RBFOX1: variants seen among roughly 807,000 people sequenced by gnomAD.
RBFOX1 encodes the protein RNA binding fox-1 homolog 1.
A neutral mutation model predicts 57.7 loss-of-function variants in RBFOX1; 8 were observed. That is an observed-to-expected ratio of 0.14 (90% confidence interval 0.08 to 0.25). The LOEUF is 0.25. Among genes scored for constraint, RBFOX1 ranks in the 10% least tolerant of loss-of-function variants. The pLI is 1.00. For synonymous variants in RBFOX1, 326 were observed against 222.4 expected (o/e 1.47, Z -4.15); for missense variants, 611 against 548.5 (o/e 1.11, Z -1.14).
At chr16:7,120,828 T>C (rs868757754) in intron 4 of RBFOX1, among the ~76,000 whole-genome samples, 260 of 32,568 alleles carry the variant, frequency 8.0e-3, no homozygotes, top group African/African-American at 0.021. Flanking sequence ...TATATGTATA[T>C]ATACACACAC....
intron 3 of RBFOX1, among the ~76,000 whole-genome samples, chr16:5,794,316 C>G (rs968299561): frequency 1.7e-5 from 2 of 119,342 alleles, no homozygotes; most frequent in East Asian, 5.1e-4. Flanking sequence ...TCACCTTCAC[C>G]TCCTTTTTTT....
intron 3 of RBFOX1, among the ~76,000 whole-genome samples, chr16:5,692,203 G>GTGTGTGTGTGTT (rs2050708634): frequency 7.4e-6 from 1 of 135,410 alleles, no homozygotes; most frequent in Non-Finnish European, 1.6e-5. Context: ...GTGTGTGTGT[G>GTGTGTGTGTGTT]TGTGTGTGTG....
At chr16:6,978,386 G>A (rs1598954488) in intron 3 of RBFOX1, among the ~76,000 whole-genome samples, 1 of 152,296 alleles carries the variant, frequency 6.6e-6, no homozygotes, top group African/African-American at 2.4e-5. Context: ...CAGACGTCAT[G>A]AGGACAATGA....
intron 4 of RBFOX1, among the ~76,000 whole-genome samples, chr16:7,208,243 T>C (rs916928102): frequency 6.6e-6 from 1 of 152,194 alleles, no homozygotes; most frequent in African/African-American, 2.4e-5. Flanking sequence ...CACCAATTCA[T>C]ATGTTGAAAT....
intron 3 of RBFOX1, among the ~76,000 whole-genome samples, chr16:6,940,640 C>G (rs2078215214): frequency 6.6e-6 from 1 of 152,096 alleles, no homozygotes; most frequent in Non-Finnish European, 1.5e-5. Flanking sequence ...CTCTGTCACC[C>G]AGGCTGGAGT....
intron 4 of RBFOX1, among the ~76,000 whole-genome samples, chr16:7,070,582 C>G (rs915466562): frequency 3.3e-5 from 5 of 152,162 alleles, no homozygotes; most frequent in Admixed American, 6.5e-5. Flanking sequence ...TTCAAGATAG[C>G]TGAGTTTACG....
intron 1 of RBFOX1, among the ~76,000 whole-genome samples, chr16:6,146,357 G>C (rs916163477): frequency 5.9e-5 from 9 of 152,190 alleles, no homozygotes; most frequent in African/African-American, 1.9e-4. Context: ...AGTAAGTCCA[G>C]ATTAGCCTCC....
At chr16:7,217,169 A>G (rs975203562) in intron 4 of RBFOX1, among the ~76,000 whole-genome samples, 1 of 150,482 alleles carries the variant, frequency 6.6e-6, no homozygotes, top group Non-Finnish European at 1.5e-5. Context: ...CAGTGGCACA[A>G]TCTCAGCTCA....
chr16:7,602,798 C>T (rs182267622), intron 9 of RBFOX1, among the ~76,000 whole-genome samples: 1 of 152,296 alleles, frequency 6.6e-6, no homozygotes. Flanking sequence ...TACTCATCAA[C>T]ACACGGAACA....
At chr16:6,990,801 C>G (rs924059644) in intron 3 of RBFOX1, among the ~76,000 whole-genome samples, 13 of 152,052 alleles carry the variant, frequency 8.5e-5, no homozygotes, top group Non-Finnish European at 1.6e-4. Flanking sequence ...TTGTTAAGGT[C>G]CAGGAAGCTG....
chr16:7,279,666 T>C (rs1242337119), intron 4 of RBFOX1, among the ~76,000 whole-genome samples: 1 of 152,180 alleles, frequency 6.6e-6, no homozygotes, highest in Non-Finnish European at 1.5e-5. Context: ...TCAGGCTATC[T>C]ATGGTCACAT....
At position 6,663,271 on chromosome 16, in the gene RBFOX1, G is replaced by A. The variant is rs184573637; in HGVS notation, c.-16+8621G>A. On this transcript the variant is annotated intron_variant, in intron 3 of 15. Transcript: ENST00000550418. Reference sequence around the variant, plus strand: ...CTCCACCCAGGAACTTGTCACAGACGGCTCAGCTTAAGTATTTGTATATAG... The same window carrying A: ...CTCCACCCAGGAACTTGTCACAGACAGCTCAGCTTAAGTATTTGTATATAG... 1.5e-4 allele frequency among the ~76,000 whole-genome samples: 23 copies of A among 152,228 alleles called. No homozygotes were observed. In the East Asian group the frequency reaches 2.3e-3, roughly 15 times the overall value.
chr16:7,697,556 C>T (rs1014224760), intron 14 of RBFOX1, among the ~76,000 whole-genome samples: 2 of 152,078 alleles, frequency 1.3e-5, no homozygotes, highest in Non-Finnish European at 2.9e-5. Context: ...GTATGATAAA[C>T]TATATATGCA....
chr16:7,367,031 C>G (rs569160475), intron 4 of RBFOX1, among the ~76,000 whole-genome samples: 6 of 151,596 alleles, frequency 4.0e-5, no homozygotes, highest in South Asian at 4.2e-4. Context: ...GGTTTTCTGG[C>G]TTGATTCCCT....
chr16:5,373,921 A>G (rs926172792), intron 1 of RBFOX1, among the ~76,000 whole-genome samples: 2 of 148,114 alleles, frequency 1.4e-5, no homozygotes, highest in African/African-American at 2.5e-5. Flanking sequence ...TTTTCTTTAT[A>G]TGTTACCCAG....
chr16:6,811,336 G>T (rs1458489352), intron 3 of RBFOX1, among the ~76,000 whole-genome samples: 3 of 152,190 alleles, frequency 2.0e-5, no homozygotes, highest in African/African-American at 7.2e-5. Context: ...TACTGGATAA[G>T]ATTTAAAAAT....
chr16:7,048,409 G>T (rs1157297478), intron 3 of RBFOX1, among the ~76,000 whole-genome samples: 1 of 151,922 alleles, frequency 6.6e-6, no homozygotes, highest in African/African-American at 2.4e-5. Context: ...ACAGTCGCGT[G>T]TCGCCACACC....
intron 4 of RBFOX1, among the ~76,000 whole-genome samples, chr16:5,910,305 G>A (rs971462404): frequency 3.9e-5 from 6 of 152,062 alleles, no homozygotes; most frequent in African/African-American, 4.8e-5. Flanking sequence ...AGAGGGGCAC[G>A]TTCTCCCGTT....
chr16:6,949,159 A>AC (rs1000699968), intron 3 of RBFOX1, among the ~76,000 whole-genome samples: 1 of 151,940 alleles, frequency 6.6e-6, no homozygotes, highest in Non-Finnish European at 1.5e-5. Flanking sequence ...GCCTTCCCCC[A>AC]CCCCCCTGAA....
Sources: allele counts gnomAD v4.1 joint callset (sites outside exome capture counted in the v4.1 genomes callset), GRCh38; gene constraint gnomAD v4.1.1; transcripts MANE v1.5; gene names NCBI Gene and HGNC (gene_info 2026-07-23, HGNC 2026-07-21).